Variants in NLGN1 observed in about 807,000 individuals in gnomAD.
NLGN1 encodes the protein neuroligin-1.
A neutral mutation model predicts 65.5 loss-of-function variants in NLGN1; 12 were observed. The ratio of observed to expected loss-of-function variants is 0.18; its 90% CI spans 0.12 to 0.30. The LOEUF is 0.30. NLGN1 is among the 10% of genes least tolerant of loss of function. The probability of loss-of-function intolerance (pLI) is 1.00; values close to 1 mark genes in which losing one functional copy is unlikely to be tolerated. For missense variants in NLGN1, 750 were observed against 1,007.1 expected (o/e 0.74, Z 3.46); for synonymous variants, 350 against 359.5 (o/e 0.97, Z 0.30).
intron 4 of NLGN1, among the ~76,000 whole-genome samples, chr3:174,201,808 T>C (rs2152776241): frequency 6.6e-6 from 1 of 152,312 alleles, no homozygotes; most frequent in Non-Finnish European, 1.5e-5. Context: ...TAAGTATCCA[T>C]AATAGTGTTC....
Position 173,713,476 on chromosome 3 carries a change from A to C in NLGN1, c.494-94204A>C, listed in dbSNP as rs188993707. ...AAGAGAAGGAGAAGAATGGCACCAA[A>C]CACTAGCTTTATGTTCTCAAATTTG... On this transcript the variant is annotated intron_variant, in intron 3 of 6. Coordinates refer to ENST00000457714, the Ensembl canonical transcript of NLGN1. Among the ~76,000 whole-genome samples, 246 of 152,192 alleles carry C rather than the reference A, an allele frequency of 1.6e-3. 2 individuals carry two copies. Among genetic ancestry groups the C allele is most frequent in the African/African-American group, 5.7e-3 (236 of 41,552 alleles).
chr3:173,968,465 T>C (rs900721917), intron 4 of NLGN1, among the ~76,000 whole-genome samples: 3 of 152,036 alleles, frequency 2.0e-5, no homozygotes, highest in Non-Finnish European at 4.4e-5. Flanking sequence ...TCCTATAGAA[T>C]ATTTAGCAGT....
intron 3 of NLGN1, among the ~76,000 whole-genome samples, chr3:173,639,534 G>A (rs1293698840): frequency 6.6e-6 from 1 of 152,204 alleles, no homozygotes; most frequent in African/African-American, 2.4e-5. Flanking sequence ...AGACATGGAG[G>A]ACTGTTATGG....
intron 2 of NLGN1, among the ~76,000 whole-genome samples, chr3:173,566,734 A>G (rs1743740842): frequency 6.6e-6 from 1 of 152,254 alleles, no homozygotes; most frequent in Admixed American, 6.5e-5. Flanking sequence ...TTTTGTGTAC[A>G]TCTTCACTCT....
intron 4 of NLGN1, among the ~76,000 whole-genome samples, chr3:173,949,634 CATCCTATAAACATTCAGT>C (rs751064786): frequency 5.3e-5 from 8 of 152,024 alleles, no homozygotes; most frequent in Non-Finnish European, 1.2e-4. Flanking sequence ...AAAATGAAGG[CATCCTATAAACATTCAGT>C]TTGAAAATAC....
intron 4 of NLGN1, among the ~76,000 whole-genome samples, chr3:174,212,209 G>A (rs1017651821): frequency 2.6e-5 from 4 of 152,206 alleles, no homozygotes; most frequent in Admixed American, 2.0e-4. Context: ...GCAGCTGCTG[G>A]CCCGGGTGCT....
intron 2 of NLGN1, among the ~76,000 whole-genome samples, chr3:173,582,551 G>T (rs934427803): frequency 2.0e-5 from 3 of 151,782 alleles, no homozygotes; most frequent in Non-Finnish European, 4.4e-5. Flanking sequence ...ATAACTAGGG[G>T]GATTGAGGAC....
At chr3:173,878,955 GGC>G (rs1352764811) in intron 4 of NLGN1, among the ~76,000 whole-genome samples, 2 of 151,986 alleles carry the variant, frequency 1.3e-5, no homozygotes, top group Non-Finnish European at 2.9e-5. Context: ...ATTGAGGCTG[GGC>G]ATGGTGACTT....
At chr3:173,964,158 G>T (rs187196274) in intron 4 of NLGN1, among the ~76,000 whole-genome samples, 2 of 152,078 alleles carry the variant, frequency 1.3e-5, no homozygotes, top group Admixed American at 1.3e-4. Flanking sequence ...AGATTGAGAC[G>T]TAGGGCAGAC....
intron 4 of NLGN1, among the ~76,000 whole-genome samples, chr3:174,208,397 C>A (rs957217456): frequency 6.6e-6 from 1 of 152,124 alleles, no homozygotes; most frequent in African/African-American, 2.4e-5. Context: ...CAGGTGGTCA[C>A]TCAAATGGCA....
chr3:174,055,645 C>A (rs1735895246), intron 4 of NLGN1, among the ~76,000 whole-genome samples: 1 of 151,974 alleles, frequency 6.6e-6, no homozygotes, highest in Non-Finnish European at 1.5e-5. Flanking sequence ...ATGCCATATA[C>A]CATGTTTGGC....
intron 2 of NLGN1, among the ~76,000 whole-genome samples, chr3:173,544,709 G>T (rs1031050395): frequency 6.6e-6 from 1 of 152,074 alleles, no homozygotes; most frequent in African/African-American, 2.4e-5. Flanking sequence ...TAGATATACA[G>T]ATTTGGAATT....
intron 4 of NLGN1, among the ~76,000 whole-genome samples, chr3:174,173,089 A>G (rs1339410049): frequency 5.9e-5 from 9 of 151,568 alleles, no homozygotes; most frequent in African/African-American, 1.9e-4. Flanking sequence ...TGTGTATGGT[A>G]TTTTTTTTAT....
chr3:173,705,746 CT>C (rs1339374760), intron 3 of NLGN1, among the ~76,000 whole-genome samples: 8 of 149,180 alleles, frequency 5.4e-5, no homozygotes, highest in South Asian at 2.1e-4. Flanking sequence ...CCTACCCATC[CT>C]TTTTTTTTTC....
chr3:173,994,995 A>G (rs940936845), intron 4 of NLGN1, among the ~76,000 whole-genome samples: 5 of 152,236 alleles, frequency 3.3e-5, no homozygotes, highest in East Asian at 1.9e-4. Flanking sequence ...GTAAGTTTCT[A>G]TTTGTCTCCC....
chr3:173,970,139 C>A (rs1289902710), intron 4 of NLGN1, among the ~76,000 whole-genome samples: 3 of 152,026 alleles, frequency 2.0e-5, no homozygotes, highest in Admixed American at 1.3e-4. Flanking sequence ...GGCATTTTCC[C>A]AATGCAAAAC....
At chr3:173,798,955 T>C in intron 3 of NLGN1, among the ~76,000 whole-genome samples, 1 of 152,148 alleles carries the variant, frequency 6.6e-6, no homozygotes, top group East Asian at 1.9e-4. Flanking sequence ...ATAGTAAATT[T>C]AGTTTGGAAT....
intron 1 of NLGN1, among the ~76,000 whole-genome samples, chr3:173,422,426 G>A (rs1398133159): frequency 6.6e-6 from 1 of 152,140 alleles, no homozygotes; most frequent in Non-Finnish European, 1.5e-5. Flanking sequence ...GCTATGAATA[G>A]CACTACAATA....
intron 3 of NLGN1, among the ~76,000 whole-genome samples, chr3:173,634,659 GTAT>G (rs1560084532): frequency 6.6e-6 from 1 of 152,054 alleles, no homozygotes; most frequent in East Asian, 1.9e-4. Flanking sequence ...TAAATGCATA[GTAT>G]TATTTTATTT....
Sources: gnomAD v4.1 joint callset for allele counts (sites outside exome capture counted in the v4.1 genomes callset) on GRCh38, gnomAD v4.1.1 for gene constraint, MANE v1.5 for transcripts, NCBI Gene and HGNC (gene_info 2026-07-23, HGNC 2026-07-21) for gene names.